The following KANSL1L variants were observed in gnomAD, a reference collection of about 807,000 sequenced individuals.
KANSL1L encodes KAT8 regulatory NSL complex subunit 1-like protein.
KANSL1L carries 25 observed loss-of-function variants against 108.6 expected under a neutral mutation model. That is an observed-to-expected ratio of 0.23 (90% confidence interval 0.17 to 0.32). KANSL1L has a LOEUF of 0.32. KANSL1L is among the 10% of genes least tolerant of loss of function. The probability of loss-of-function intolerance (pLI) is 1.00; values close to 1 mark genes in which losing one functional copy is unlikely to be tolerated. For synonymous variants in KANSL1L, 405 were observed against 395.1 expected (o/e 1.03, Z -0.30); for missense variants, 1,137 against 1,125.7 (o/e 1.01, Z -0.14).
At chr2:210,090,417 G>A (rs2094683076) in intron 5 of KANSL1L, among the ~76,000 whole-genome samples, 1 of 152,034 alleles carries the variant, frequency 6.6e-6, no homozygotes, top group Admixed American at 6.6e-5. Context: ...GTCAAATGTG[G>A]GTTAAGACTA....
In KANSL1L at chr2:210,044,872, C is replaced by T. The variant is rs536089245; in HGVS notation, c.1756-768G>A. On this transcript the variant is annotated intron_variant, in intron 6 of 14. Transcript: ENST00000281772. This position sits in a 1 kb window ranked among gnomAD's most constrained non-coding sequence, Gnocchi z 4.2. ...GCAACTTCTGCCTCCCGGGTTCAAGCGATTCTCCTGCCTCAGCCTCCTGAG... is the reference window on the plus strand; with the variant it reads ...GCAACTTCTGCCTCCCGGGTTCAAGTGATTCTCCTGCCTCAGCCTCCTGAG... Among the ~76,000 whole-genome samples, 8 of 152,184 alleles carry T rather than the reference C, an allele frequency of 5.3e-5. No individual in the cohort carries two copies. The East Asian group carries it at 7.7e-4, about 15-fold the overall frequency.
chr2:210,162,222 G>GTATATATGTATATATATA (rs2095365252), intron 1 of KANSL1L, among the ~76,000 whole-genome samples: 1 of 107,474 alleles, frequency 9.3e-6, no homozygotes, highest in African/African-American at 3.5e-5. Context: ...AGTGGTTCAG[G>GTATATATGTATATATATA]TATATATATA....
rs1163512284 is a variant in KANSL1L at position 210,021,463 on chromosome 2, T to C, written c.*1486A>G. 6.6e-6 allele frequency: 1 copy of C among 152,570 alleles called. No individual in the cohort carries two copies. The highest frequency in any genetic ancestry group is 1.5e-5 in the Non-Finnish European group (1 of 67,984). The allele number at this position is 152,570 out of a possible 1,614,324, so 9.5% of individuals were successfully genotyped here. A position where few individuals can be genotyped will look rare whatever the true frequency, so the allele number is the denominator to read the frequency against. On this transcript the variant is annotated 3_prime_UTR_variant, in exon 15 of 15. Transcript: ENST00000281772. The stretch of plus-strand genomic sequence containing the variant: ...TAATTAAAAAACTTACATAGAAGAT[T>C]ATAATATCAGACGTGACAAAGATTT...
At chr2:210,127,891 T>C (rs1369768804) in intron 3 of KANSL1L, among the ~76,000 whole-genome samples, 1 of 150,590 alleles carries the variant, frequency 6.6e-6, no homozygotes, top group Admixed American at 6.6e-5. Flanking sequence ...CTACTATATA[T>C]TGAATTAAAA....
intron 3 of KANSL1L, among the ~76,000 whole-genome samples, chr2:210,105,253 A>G (rs2094834945): frequency 6.7e-6 from 1 of 149,990 alleles, no homozygotes; most frequent in Non-Finnish European, 1.5e-5. Flanking sequence ...AGTAATATAT[A>G]CCATATATAT....
intron 2 of KANSL1L, among the ~76,000 whole-genome samples, chr2:210,146,961 A>G (rs562639070): frequency 3.3e-5 from 5 of 152,342 alleles, no homozygotes; most frequent in African/African-American, 1.2e-4. Flanking sequence ...TAAAGTCTGT[A>G]GATATAGAAG....
intron 1 of KANSL1L, among the ~76,000 whole-genome samples, chr2:210,169,311 A>G (rs189408810): frequency 6.6e-6 from 1 of 152,348 alleles, no homozygotes; most frequent in East Asian, 1.9e-4. Context: ...GTGCCAACAG[A>G]AAAAATTTAA....
intron 1 of KANSL1L, among the ~76,000 whole-genome samples, chr2:210,158,434 G>A (rs976149638): frequency 3.3e-5 from 5 of 152,096 alleles, no homozygotes; most frequent in Non-Finnish European, 7.4e-5. Context: ...CCAACACCTT[G>A]ATTAACAACA....
At position 210,075,752 on chromosome 2, in the gene KANSL1L, A is replaced by G; in HGVS notation, c.1555T>C (p.Ser519Pro). The change falls in exon 6 of 15, where the codon TCA (serine) becomes CCA (proline). Residue 519 changes from serine to proline, a missense_variant. By Grantham distance (74) the Ser-to-Pro change is moderately conservative. Around this residue, in one of 3 missense-constraint regions of KANSL1L, gnomAD observed 575 missense variants for 567.1 expected, o/e 1.01. Coordinates refer to ENST00000281772, the MANE Select transcript of KANSL1L (RefSeq NM_152519.4). Reference sequence around the variant, plus strand: ...GAAGACAGCTCATCTAAATTCTCTGATGCACTGAAATGCCATGAAATAATT... The same window carrying G: ...GAAGACAGCTCATCTAAATTCTCTGGTGCACTGAAATGCCATGAAATAATT... ...CLANGIYRSASENLDELSSSS... is the reference protein window; with the variant it reads ...CLANGIYRSAPENLDELSSSS... 1 of 1,610,288 alleles carries G rather than the reference A, an allele frequency of 6.2e-7. No homozygotes were observed. The highest frequency in any genetic ancestry group is 8.5e-7 in the Non-Finnish European group (1 of 1,176,644).
chr2:210,159,623 G>C (rs1450127643), intron 1 of KANSL1L, among the ~76,000 whole-genome samples: 1 of 152,072 alleles, frequency 6.6e-6, no homozygotes, highest in African/African-American at 2.4e-5. Flanking sequence ...AGGCATTTCA[G>C]GATTTTGGTA....
At chr2:210,167,011 A>G (rs1448401919) in intron 1 of KANSL1L, among the ~76,000 whole-genome samples, 1 of 152,018 alleles carries the variant, frequency 6.6e-6, no homozygotes, top group Non-Finnish European at 1.5e-5. Flanking sequence ...ACAGAGAGAC[A>G]CTGTCTCTAC....
intron 3 of KANSL1L, among the ~76,000 whole-genome samples, chr2:210,112,720 G>A (rs530543781): frequency 1.3e-4 from 20 of 152,112 alleles, no homozygotes; most frequent in South Asian, 8.3e-4. Context: ...AGGGTAATTA[G>A]CATATCCATC....
chr2:210,137,068 C>A (rs939935238), intron 2 of KANSL1L, among the ~76,000 whole-genome samples: 1 of 152,138 alleles, frequency 6.6e-6, no homozygotes, highest in African/African-American at 2.4e-5. Context: ...ACATTTAAAG[C>A]TTCATATCCT....
chr2:210,080,512 G>A (rs2094581160), intron 5 of KANSL1L, among the ~76,000 whole-genome samples: 1 of 151,766 alleles, frequency 6.6e-6, no homozygotes, highest in African/African-American at 2.4e-5. Context: ...GCAACAAAGC[G>A]AGACCTTTTC....
At chr2:210,070,677 C>A (rs548138681) in intron 6 of KANSL1L, among the ~76,000 whole-genome samples, 3 of 152,130 alleles carry the variant, frequency 2.0e-5, no homozygotes, top group Non-Finnish European at 4.4e-5. Flanking sequence ...TGTGTCATAA[C>A]AAAATGCCAC....
chr2:210,104,367 A>G (rs2094825616), intron 3 of KANSL1L, 66 bp from the exon 4 acceptor site: 1 of 1,086,856 alleles, frequency 9.2e-7, no homozygotes. Context: ...CTTTAATGCT[A>G]CAATGCACTT....
intron 7 of KANSL1L, among the ~76,000 whole-genome samples, chr2:210,042,566 G>A (rs1328303866): frequency 6.6e-6 from 1 of 152,094 alleles, no homozygotes; most frequent in Non-Finnish European, 1.5e-5. Flanking sequence ...GAGTAATCTT[G>A]GATGAGTAGT....
At chr2:210,135,759 CTCCT>C (rs1322817245) in intron 2 of KANSL1L, among the ~76,000 whole-genome samples, 1 of 152,122 alleles carries the variant, frequency 6.6e-6, no homozygotes, top group Non-Finnish European at 1.5e-5. Context: ...ATGTTGACTT[CTCCT>C]TGTTATAAAA....
chr2:210,055,515 G>T (rs1221449052), intron 6 of KANSL1L, among the ~76,000 whole-genome samples: 1 of 152,164 alleles, frequency 6.6e-6, no homozygotes, highest in Non-Finnish European at 1.5e-5. Flanking sequence ...AGGCTTGGAG[G>T]CTCACAAGAC....
Sources: allele counts gnomAD v4.1 joint callset (sites outside exome capture counted in the v4.1 genomes callset), GRCh38; gene constraint gnomAD v4.1.1; regional missense constraint gnomAD v4.1.1; non-coding constraint Gnocchi (gnomAD v3.1); transcripts MANE v1.5; gene names NCBI Gene and HGNC (gene_info 2026-07-23, HGNC 2026-07-21).